Variants in KCNQ5 observed in about 807,000 individuals in gnomAD.
KCNQ5 encodes the protein potassium voltage-gated channel subfamily Q member 5, also known as potassium voltage-gated channel subfamily KQT member 5.
In KCNQ5, 30 loss-of-function variants were observed where a neutral mutation model predicts 98.2. That is an observed-to-expected ratio of 0.31 (90% confidence interval 0.23 to 0.41). KCNQ5 has a LOEUF of 0.41. KCNQ5 is among the 10% of genes least tolerant of loss of function. KCNQ5 has a pLI of 1.00. For missense variants in KCNQ5, 835 were observed against 1,182.5 expected, an observed-to-expected ratio of 0.71 and a Z score of 4.31; for synonymous variants, 458 against 449.4, an observed-to-expected ratio of 1.02 and a Z score of -0.24.
chr6:73,154,904 A>AT (rs977334313), intron 10 of KCNQ5, among the ~76,000 whole-genome samples: 5 of 152,208 alleles, frequency 3.3e-5, no homozygotes, highest in African/African-American at 1.2e-4. Context: ...AAACAAAAAA[A>AT]TTAACCATAG....
At chr6:72,676,254 A>G (rs1767398454) in intron 1 of KCNQ5, among the ~76,000 whole-genome samples, 1 of 152,220 alleles carries the variant, frequency 6.6e-6, no homozygotes, top group African/African-American at 2.4e-5. Flanking sequence ...GAATGGGAGA[A>G]GTGTGTGGGA....
chr6:72,719,576 A>G (rs1769837909), intron 1 of KCNQ5, among the ~76,000 whole-genome samples: 1 of 152,240 alleles, frequency 6.6e-6, no homozygotes, highest in Non-Finnish European at 1.5e-5. Context: ...ATGTGACTCC[A>G]TAGCCTTGCA....
chr6:72,940,841 G>A (rs981833885), intron 1 of KCNQ5, among the ~76,000 whole-genome samples: 2 of 152,094 alleles, frequency 1.3e-5, no homozygotes, highest in South Asian at 2.1e-4. Context: ...TTGTTTTAAC[G>A]ATTAAATAAG....
chr6:73,014,659 C>T (rs563696966), intron 2 of KCNQ5, among the ~76,000 whole-genome samples: 1 of 152,202 alleles, frequency 6.6e-6, no homozygotes, highest in East Asian at 1.9e-4. Flanking sequence ...TCAATTTAGG[C>T]AGGTCTAATT....
chr6:72,923,946 A>C (rs1417405208), intron 1 of KCNQ5, among the ~76,000 whole-genome samples: 1 of 152,218 alleles, frequency 6.6e-6, no homozygotes, highest in African/African-American at 2.4e-5. Context: ...ATTTTTTAAC[A>C]CAATGGTTTC....
chr6:72,848,422 A>G (rs143888954), intron 1 of KCNQ5, among the ~76,000 whole-genome samples: 216 of 152,260 alleles, frequency 1.4e-3, no homozygotes, highest in African/African-American at 4.8e-3. Context: ...TTTACGCATG[A>G]CAAGAATGTA....
At chr6:72,671,041 A>G (rs1205660855) in intron 1 of KCNQ5, among the ~76,000 whole-genome samples, 2 of 152,078 alleles carry the variant, frequency 1.3e-5, no homozygotes, top group African/African-American at 2.4e-5. Flanking sequence ...AGTTTTTATA[A>G]CCTGCTGCTC....
chr6:72,624,445 C>T (rs2098917059), intron 1 of KCNQ5, among the ~76,000 whole-genome samples: 1 of 151,800 alleles, frequency 6.6e-6, no homozygotes, highest in Non-Finnish European at 1.5e-5. Flanking sequence ...TAAAGAAAGC[C>T]TTGGTTGGTG....
intron 1 of KCNQ5, among the ~76,000 whole-genome samples, chr6:72,678,987 A>G (rs1462446006): frequency 6.6e-6 from 1 of 152,240 alleles, no homozygotes; most frequent in African/African-American, 2.4e-5. Flanking sequence ...TATTTTGTTT[A>G]TGAAACTATG....
intron 1 of KCNQ5, among the ~76,000 whole-genome samples, chr6:72,779,317 G>A (rs1252046276): frequency 6.6e-6 from 1 of 152,150 alleles, no homozygotes; most frequent in Admixed American, 6.5e-5. Context: ...AACAGTCAAA[G>A]GATGATAGGG....
intron 1 of KCNQ5, among the ~76,000 whole-genome samples, chr6:72,705,599 T>TTTG (rs1554146892): frequency 0.028 from 4,196 of 151,284 alleles, 151 homozygotes; most frequent in East Asian, 0.09. Context: ...TGTTTTTTTT[T>TTTG]TTGTTGTTGT....
At chr6:73,147,794 A>T (rs551840740) in intron 10 of KCNQ5, among the ~76,000 whole-genome samples, 1 of 152,288 alleles carries the variant, frequency 6.6e-6, no homozygotes, top group South Asian at 2.1e-4. Flanking sequence ...AAGCCCACAC[A>T]CAAATGAGAG....
chr6:73,114,616 T>C (rs544370311), intron 7 of KCNQ5, among the ~76,000 whole-genome samples: 1 of 152,320 alleles, frequency 6.6e-6, no homozygotes, highest in South Asian at 2.1e-4. Context: ...CATGAAGTGC[T>C]TTTTAGTTTG....
chr6:72,644,971 A>G lies in KCNQ5; in HGVS notation c.398+22384A>G, dbSNP rs528673107. ...GTATTTTACAAATGCTAAGTATGACACTTAGAACATGAGTTCTCAGGGTAA... is the reference window on the plus strand; with the variant it reads ...GTATTTTACAAATGCTAAGTATGACGCTTAGAACATGAGTTCTCAGGGTAA... On this transcript the variant is annotated intron_variant, in intron 1 of 13. Transcript: ENST00000370398. Among the ~76,000 whole-genome samples the G allele has an allele frequency of 4.6e-5, 7 of 152,286 alleles. No homozygotes were observed. The East Asian group carries it at 1.4e-3, about 29-fold the overall frequency.
chr6:72,713,242 C>G (rs1769460803), intron 1 of KCNQ5, among the ~76,000 whole-genome samples: 1 of 152,166 alleles, frequency 6.6e-6, no homozygotes, highest in African/African-American at 2.4e-5. Context: ...CACATGAAAG[C>G]CAAACAGGCA....
chr6:73,065,150 A>G (rs1040476997), intron 3 of KCNQ5, among the ~76,000 whole-genome samples: 1 of 152,046 alleles, frequency 6.6e-6, no homozygotes, highest in Non-Finnish European at 1.5e-5. Context: ...GCCATCTCAA[A>G]ATTAACATGG....
chr6:72,876,169 T>C (rs1778401976), intron 1 of KCNQ5, among the ~76,000 whole-genome samples: 1 of 152,110 alleles, frequency 6.6e-6, no homozygotes, highest in African/African-American at 2.4e-5. Context: ...AAGCCTAGTT[T>C]TTCATAAGAT....
At chr6:72,801,165 A>G (rs1045201468) in intron 1 of KCNQ5, among the ~76,000 whole-genome samples, 122 of 151,468 alleles carry the variant, frequency 8.1e-4, no homozygotes, top group Middle Eastern at 3.5e-3. Context: ...AGCTGAGTTC[A>G]ATTCCTGGGT....
At chr6:73,096,979 T>C (rs567498220) in intron 5 of KCNQ5, among the ~76,000 whole-genome samples, 1 of 151,936 alleles carries the variant, frequency 6.6e-6, no homozygotes, top group Admixed American at 6.6e-5. Flanking sequence ...CGAGGCAGTT[T>C]GCGGTAAGCT....
Sources: gnomAD v4.1 joint callset for allele counts (sites outside exome capture counted in the v4.1 genomes callset) on GRCh38, gnomAD v4.1.1 for gene constraint, MANE v1.5 for transcripts, NCBI Gene and HGNC (gene_info 2026-07-23, HGNC 2026-07-21) for gene names.